Variants in SPACA7 observed in about 807,000 individuals in gnomAD.
The protein encoded by SPACA7 is sperm acrosome associated 7.
A neutral mutation model predicts 26.3 loss-of-function variants in SPACA7; 19 were observed. The observed-to-expected ratio is 0.72, with a 90% confidence interval of 0.50 to 1.06. The LOEUF (loss-of-function observed/expected upper bound fraction) is 1.06. SPACA7 is among the 50% of genes least tolerant of loss of function. The probability of loss-of-function intolerance (pLI) is 0.00; values close to 1 mark genes in which losing one functional copy is unlikely to be tolerated. For missense variants in SPACA7, 211 were observed against 229.9 expected (o/e 0.92, Z 0.53); for synonymous variants, 84 against 84.5 (o/e 0.99, Z 0.04).
intron 5 of SPACA7, among the ~76,000 whole-genome samples, chr13:112,430,655 C>G (rs1372624911): frequency 1.3e-5 from 2 of 152,108 alleles, no homozygotes; most frequent in African/African-American, 4.8e-5. Context: ...GCCTCAGTGC[C>G]CTTAGGAAGG....
chr13:112,420,804 G>A (rs1018504563), intron 5 of SPACA7, among the ~76,000 whole-genome samples: 4 of 151,976 alleles, frequency 2.6e-5, no homozygotes, highest in Admixed American at 2.0e-4. Context: ...TTTAAAAAGA[G>A]GGTATATTGA....
intron 4 of SPACA7, among the ~76,000 whole-genome samples, chr13:112,399,385 G>GA (rs1371456054): frequency 6.6e-6 from 1 of 152,244 alleles, no homozygotes; most frequent in Non-Finnish European, 1.5e-5. Context: ...GCCGACCCTG[G>GA]AAAAAACACA....
intron 2 of SPACA7, among the ~76,000 whole-genome samples, chr13:112,395,779 C>G (rs940375943): frequency 3.4e-4 from 52 of 152,214 alleles, no homozygotes; most frequent in Non-Finnish European, 7.6e-4. Context: ...CTGGCCACAG[C>G]TGTTTTGATG....
intron 5 of SPACA7, among the ~76,000 whole-genome samples, chr13:112,425,957 C>T (rs1395375651): frequency 1.3e-5 from 2 of 152,186 alleles, no homozygotes; most frequent in Non-Finnish European, 2.9e-5. Context: ...CAAACAGTAG[C>T]CCCATGCAGG....
chr13:112,431,178 T>A (rs1384406090), intron 5 of SPACA7, among the ~76,000 whole-genome samples: 1 of 152,174 alleles, frequency 6.6e-6, no homozygotes, highest in Non-Finnish European at 1.5e-5. Flanking sequence ...TAAGAATAAT[T>A]TAGATAAATG....
At chr13:112,408,387 A>G (rs779512163) in intron 5 of SPACA7, among the ~76,000 whole-genome samples, 1 of 152,158 alleles carries the variant, frequency 6.6e-6, no homozygotes, top group Non-Finnish European at 1.5e-5. Context: ...GGCAGGAGAA[A>G]GAAATAAGGT....
At chr13:112,411,436 G>A (rs1444485595) in intron 5 of SPACA7, among the ~76,000 whole-genome samples, 1 of 152,038 alleles carries the variant, frequency 6.6e-6, no homozygotes, top group Non-Finnish European at 1.5e-5. Context: ...ATTTCTTTGG[G>A]TTGAGAACAT....
At chr13:112,385,667 A>G (rs553383104) in intron 1 of SPACA7, among the ~76,000 whole-genome samples, 1 of 152,350 alleles carries the variant, frequency 6.6e-6, no homozygotes, top group South Asian at 2.1e-4. Context: ...AATTTAGACC[A>G]AATGTCTACA....
intron 1 of SPACA7, among the ~76,000 whole-genome samples, chr13:112,382,944 G>A (rs918847412): frequency 6.6e-6 from 1 of 151,378 alleles, no homozygotes; most frequent in Non-Finnish European, 1.5e-5. Flanking sequence ...AGCTGAGATC[G>A]AGCTATTGCA....
intron 5 of SPACA7, among the ~76,000 whole-genome samples, chr13:112,416,441 C>T (rs112598287): frequency 2.6e-5 from 4 of 152,228 alleles, no homozygotes; most frequent in African/African-American, 9.6e-5. Context: ...CACCTGCCAC[C>T]ATGCCTGGCT....
chr13:112,377,364 A>G (rs890757364), intron 1 of SPACA7, among the ~76,000 whole-genome samples: 9 of 152,212 alleles, frequency 5.9e-5, no homozygotes, highest in African/African-American at 9.7e-5. Context: ...TAAAATCTAG[A>G]CATCCATGAG....
At chr13:112,395,224 C>T (rs1008367145) in intron 2 of SPACA7, among the ~76,000 whole-genome samples, 26 of 152,264 alleles carry the variant, frequency 1.7e-4, no homozygotes, top group Admixed American at 1.4e-3. Flanking sequence ...ATCAGACGGG[C>T]GGTGAGGGGT....
chr13:112,382,521 A>G (rs1381719953), intron 1 of SPACA7: 7 of 1,549,598 alleles, frequency 4.5e-6, no homozygotes, highest in Non-Finnish European at 5.2e-6. Flanking sequence ...AGAACAGTGG[A>G]ACCGTTTTGC....
chr13:112,425,638 G>C (rs1435371406), intron 5 of SPACA7, among the ~76,000 whole-genome samples: 1 of 141,492 alleles, frequency 7.1e-6, no homozygotes, highest in Admixed American at 7.1e-5. Context: ...AAGACAGAGA[G>C]AGACAGAGAG....
At chr13:112,422,076 G>T (rs1345330007) in intron 5 of SPACA7, among the ~76,000 whole-genome samples, 1 of 125,818 alleles carries the variant, frequency 7.9e-6, no homozygotes, top group East Asian at 3.3e-4. Flanking sequence ...TTTAAAACTT[G>T]GAGAAAAATA....
At chr13:112,423,494 T>G (rs950959004) in intron 5 of SPACA7, among the ~76,000 whole-genome samples, 2 of 150,120 alleles carry the variant, frequency 1.3e-5, no homozygotes, top group Non-Finnish European at 3.0e-5. Flanking sequence ...AAGTGATGAG[T>G]GGAACAGCAG....
At chr13:112,415,703 G>A (rs1172614681) in intron 5 of SPACA7, among the ~76,000 whole-genome samples, 1 of 152,148 alleles carries the variant, frequency 6.6e-6, no homozygotes, top group Non-Finnish European at 1.5e-5. Context: ...CAAGCCTTCT[G>A]CCTCCCAGAC....
chr13:112,423,192 T>C (rs555192148), intron 5 of SPACA7, among the ~76,000 whole-genome samples: 2 of 152,210 alleles, frequency 1.3e-5, no homozygotes, highest in South Asian at 4.1e-4. Flanking sequence ...TAAATGCTGC[T>C]GCCACAAGTA....
At position 112,399,133 on chromosome 13, in the gene SPACA7, A is replaced by G. The variant is rs1475218713; in HGVS notation, c.309A>G (p.Leu103=). ...SENYHELLEN[L]QFSPGIEVKI... is the part of the protein sequence containing the mutation. ...ATTACCATGAATTATTAGAGAATTTACAATTCTCTCCTGGCATTGAGGTCA... is the reference window on the plus strand; with the variant it reads ...ATTACCATGAATTATTAGAGAATTTGCAATTCTCTCCTGGCATTGAGGTCA... The change falls in exon 4 of 7, where the codon TTA becomes TTG. Residue 103 remains leucine (L), a synonymous_variant. Coordinates refer to ENST00000283550, the MANE Select transcript of SPACA7 (RefSeq NM_145248.5). 1.9e-6 allele frequency: 3 copies of G among 1,608,484 alleles called. No homozygotes were observed. The highest frequency in any genetic ancestry group is 2.6e-6 in the Non-Finnish European group (3 of 1,174,874).
Sources: gnomAD v4.1 joint callset for allele counts (sites outside exome capture counted in the v4.1 genomes callset) on GRCh38, gnomAD v4.1.1 for gene constraint, MANE v1.5 for transcripts, NCBI Gene and HGNC (gene_info 2026-07-23, HGNC 2026-07-21) for gene names.